PATJ: variants seen among roughly 807,000 people sequenced by gnomAD.
PATJ encodes PATJ crumbs cell polarity complex component.
A neutral mutation model predicts 224.9 loss-of-function variants in PATJ; 190 were observed. The observed-to-expected ratio is 0.84, with a 90% CI of 0.75 to 0.95. PATJ has a LOEUF of 0.95. Among genes scored for constraint, PATJ ranks in the 40% least tolerant of loss-of-function variants. The pLI is 0.00. For synonymous variants in PATJ, 769 were observed against 820.3 expected (o/e 0.94, Z 1.07); for missense variants, 2,121 against 2,270.3 (o/e 0.93, Z 1.34).
chr1:62,124,596 G>A (rs973110145), intron 39 of PATJ, among the ~76,000 whole-genome samples: 5 of 152,184 alleles, frequency 3.3e-5, no homozygotes, highest in Non-Finnish European at 7.3e-5. Context: ...CACAGACTGG[G>A]TGGCTTAAAC....
At chr1:61,953,588 A>G (rs1019968995) in intron 27 of PATJ, among the ~76,000 whole-genome samples, 1 of 152,116 alleles carries the variant, frequency 6.6e-6, no homozygotes, top group Admixed American at 6.5e-5. Flanking sequence ...CTGTCTGACT[A>G]TATTGTGTTT....
chr1:61,860,261 A>G (rs1557770208), intron 18 of PATJ, among the ~76,000 whole-genome samples: 1 of 151,356 alleles, frequency 6.6e-6, no homozygotes, highest in Non-Finnish European at 1.5e-5. Context: ...GGGTCTCTCC[A>G]TGTTGCCCAG....
intron 31 of PATJ, among the ~76,000 whole-genome samples, chr1:62,073,732 G>A (rs1657823340): frequency 6.6e-6 from 1 of 152,172 alleles, no homozygotes; most frequent in Non-Finnish European, 1.5e-5. Context: ...GTGCATACCT[G>A]TAGTCCCAGC....
At chr1:61,930,113 GTA>G (rs1392987627) in intron 27 of PATJ, among the ~76,000 whole-genome samples, 6 of 152,122 alleles carry the variant, frequency 3.9e-5, no homozygotes, top group African/African-American at 1.4e-4. Flanking sequence ...TATGTTGGCT[GTA>G]TATATTACTT....
chr1:61,797,170 G>A (rs992045411), intron 10 of PATJ, 117 bp from the exon 11 acceptor site: 30 of 1,195,628 alleles, frequency 2.5e-5, no homozygotes, highest in African/African-American at 4.5e-5. Context: ...CACCACACCC[G>A]GCCTAAATAA....
rs186057646 is a variant in PATJ at position 61,827,424 on chromosome 1, C to G, written c.1821C>G (p.Val607=). ...LLQPEDELLE[V]NGMQLYGKSR... ...GACTTATCCCCTTGTCTTCCTAGGT[C>G]AATGGCATGCAGCTTTATGGAAAAT... is the stretch of plus-strand genomic sequence containing the variant. The change falls in exon 16 of 44, where the codon GTC becomes GTG. Residue 607 remains valine, a splice_region_variant and synonymous_variant. Coordinates refer to ENST00000642238, the MANE Select transcript of PATJ (RefSeq NM_001350145.3). The G allele has an allele frequency of 5.0e-6, 8 of 1,613,596 alleles. No homozygotes were observed. The East Asian group carries it at 1.8e-4, about 36-fold the overall frequency.
intron 28 of PATJ, among the ~76,000 whole-genome samples, chr1:61,997,999 A>T (rs1447092929): frequency 1.0e-5 from 1 of 98,996 alleles, no homozygotes; most frequent in Non-Finnish European, 1.8e-5. Context: ...TGTATATATA[A>T]TATATTATAT....
At chr1:61,792,688 C>T (rs1185064324) in intron 9 of PATJ, among the ~76,000 whole-genome samples, 2 of 151,966 alleles carry the variant, frequency 1.3e-5, no homozygotes, top group Non-Finnish European at 2.9e-5. Flanking sequence ...CACCACCACC[C>T]CCGGATAATT....
chr1:61,758,524 T>A lies in PATJ; in HGVS notation c.-35-4334T>A, dbSNP rs1000320246. 3.7e-4 allele frequency among the ~76,000 whole-genome samples: 56 copies of A among 152,224 alleles called. 1 individual carries two copies. Among genetic ancestry groups the A allele is most frequent in the Middle Eastern group, 3.4e-3 (1 of 294 alleles). Reference sequence around the variant, plus strand: ...CCACCACGCCCAGCTAATTTTTGTATTTTTAATAGAACAGGGTTTCACCAA... The same window carrying A: ...CCACCACGCCCAGCTAATTTTTGTAATTTTAATAGAACAGGGTTTCACCAA... On this transcript the variant is annotated intron_variant, in intron 1 of 43. Coordinates refer to ENST00000642238, the MANE Select transcript of PATJ (RefSeq NM_001350145.3).
chr1:62,079,169 AG>A (rs1456000770), intron 31 of PATJ, among the ~76,000 whole-genome samples: 5 of 152,082 alleles, frequency 3.3e-5, no homozygotes, highest in African/African-American at 1.2e-4. Flanking sequence ...TCCCACCCCC[AG>A]CTTCATGTAC....
At chr1:61,758,997 A>G (rs527538133) in intron 1 of PATJ, among the ~76,000 whole-genome samples, 74 of 152,292 alleles carry the variant, frequency 4.9e-4, no homozygotes, top group Admixed American at 3.5e-3. Context: ...TTCTCAGATT[A>G]TTTACAGAAG....
Position 62,116,618 on chromosome 1 carries a change from T to C in PATJ, c.4742T>C (p.Leu1581Ser). The C allele has an allele frequency of 1.2e-6, 2 of 1,614,076 alleles. No homozygotes were observed. The highest frequency in any genetic ancestry group is 8.5e-7 in the Non-Finnish European group (1 of 1,180,004). The stretch of plus-strand genomic sequence containing the variant: ...AGATTGATTCAGGGAGATCAGATCT[T>C]ATCTGTGAATGGGGAGGACATGAGA... ...DGRLIQGDQI[L>S]SVNGEDMRNA... is the part of the protein sequence containing the mutation. The change falls in exon 36 of 44, where the codon TTA becomes TCA. Residue 1581 changes from leucine (L) to serine (S), a missense_variant. Leu to Ser is a moderately radical substitution (Grantham distance 145). Transcript: ENST00000642238.
chr1:61,918,421 C>T (rs1255073359), intron 26 of PATJ, among the ~76,000 whole-genome samples: 1 of 150,724 alleles, frequency 6.6e-6, no homozygotes, highest in Non-Finnish European at 1.5e-5. Flanking sequence ...GATTCTCATG[C>T]CTCAGCCTCC....
chr1:61,753,397 G>A (rs1282482741), intron 1 of PATJ, among the ~76,000 whole-genome samples: 1 of 152,038 alleles, frequency 6.6e-6, no homozygotes, highest in Non-Finnish European at 1.5e-5. Context: ...CAAATTTCAG[G>A]TTAGATATAT....
intron 40 of PATJ, chr1:62,128,580 C>T (rs942451590): frequency 1.1e-5 from 5 of 440,046 alleles, no homozygotes; most frequent in Non-Finnish European, 2.1e-5. Context: ...GTATGAAACA[C>T]CACCATTACC....
At chr1:62,080,656 A>T (rs895051680) in intron 32 of PATJ, among the ~76,000 whole-genome samples, 1 of 152,158 alleles carries the variant, frequency 6.6e-6, no homozygotes, top group Admixed American at 6.5e-5. Flanking sequence ...TGCAGTATAC[A>T]TCAGTAAAAA....
chr1:62,013,303 A>G (rs1646561984), intron 28 of PATJ: 1 of 976,936 alleles, frequency 1.0e-6, no homozygotes, highest in Non-Finnish European at 1.2e-6. Context: ...TACATGCTCA[A>G]GCGTTTTGCT....
rs1488819310 is a variant in PATJ at position 62,079,572 on chromosome 1, G to A, written c.4243+5G>A. On this transcript the variant is annotated splice_donor_5th_base_variant and intron_variant, in intron 32 of 43. Transcript: ENST00000642238. ...ATGCAGACTTCACAGGCTATGGTAT[G>A]ATTCTTTCTCTCAGCAGATCTGGCT... 2 of 1,557,600 alleles carry A rather than the reference G, an allele frequency of 1.3e-6. No homozygotes were observed. Among genetic ancestry groups the A allele is most frequent in the Admixed American group, 3.4e-5 (2 of 59,558 alleles).
At chr1:61,856,312 A>T (rs1367507294) in intron 18 of PATJ, 73 bp downstream of exon 18, 9 of 1,238,040 alleles carry the variant, frequency 7.3e-6, no homozygotes, top group Non-Finnish European at 1.1e-5. Flanking sequence ...TTGGAGACAC[A>T]TATACCTGGC....
Sources: allele counts gnomAD v4.1 joint callset (sites outside exome capture counted in the v4.1 genomes callset), GRCh38; gene constraint gnomAD v4.1.1; transcripts MANE v1.5; gene names NCBI Gene and HGNC (gene_info 2026-07-23, HGNC 2026-07-21).